Variants in CNIH3 observed in about 807,000 individuals in gnomAD.
The protein encoded by CNIH3 is cornichon family AMPA receptor auxiliary protein 3, also known as protein cornichon homolog 3.
A neutral mutation model predicts 24.1 loss-of-function variants in CNIH3; 14 were observed. The observed-to-expected ratio is 0.58, with a 90% CI of 0.38 to 0.91. The LOEUF (loss-of-function observed/expected upper bound fraction) is 0.91, where lower values mean the gene tolerates loss of function less well. CNIH3 is among the 40% of genes least tolerant of loss of function. The probability of loss-of-function intolerance (pLI) is 0.00; values close to 1 mark genes in which losing one functional copy is unlikely to be tolerated. For missense variants in CNIH3, 178 were observed against 196.8 expected (o/e 0.90, Z 0.57); for synonymous variants, 68 against 73.8 (o/e 0.92, Z 0.40).
In CNIH3 at chr1:224,616,958, T is replaced by C; in HGVS notation, c.-217T>C. On this transcript the variant is annotated 5_prime_UTR_variant, in exon 1 of 6. Coordinates refer to ENST00000272133, the MANE Select transcript of CNIH3 (RefSeq NM_152495.2). ...GACTCTCGACACACGTTTTCCTGTC[T>C]TCGCCGGAGGGCCGGGTCTGGGGTC... The C allele has an allele frequency of 7.2e-7, 1 of 1,392,648 alleles. No homozygotes were observed. The highest frequency in any genetic ancestry group is 9.3e-7 in the Non-Finnish European group (1 of 1,079,038). 86.3% of individuals were successfully genotyped at this position (1,392,648 alleles called of 1,614,324 possible).
chr1:224,534,866 T>C (rs1314584193), intron 2 of CNIH3, among the ~76,000 whole-genome samples: 1 of 152,210 alleles, frequency 6.6e-6, no homozygotes, highest in Non-Finnish European at 1.5e-5. Context: ...GGTCTGTTTT[T>C]CCTAAGTACC....
In CNIH3 at chr1:224,445,444, C is replaced by T. The variant is rs140669668; in HGVS notation, n.203+10582C>T. ...TACGAAAATTAGCCGGGCGTGGTGG[C>T]GCATGCCTGTAATCCCAGCTACTTG... On this transcript the variant is annotated intron_variant and non_coding_transcript_variant, in intron 1 of 5. Coordinates refer to the CNIH3 transcript ENST00000471578. 2.7e-3 allele frequency among the ~76,000 whole-genome samples: 404 copies of T among 151,828 alleles called. 1 individual carries two copies. The highest frequency in any genetic ancestry group is 4.6e-3 in the Non-Finnish European group (311 of 67,932).
intron 2 of CNIH3, among the ~76,000 whole-genome samples, chr1:224,536,322 A>T (rs1572432440): frequency 2.0e-5 from 2 of 100,844 alleles, no homozygotes; most frequent in South Asian, 3.4e-4. Flanking sequence ...ACAGAGTTGT[A>T]CTCTTGTCGC....
At chr1:224,547,280 G>A (rs1679738207) in intron 3 of CNIH3, among the ~76,000 whole-genome samples, 1 of 151,980 alleles carries the variant, frequency 6.6e-6, no homozygotes, top group African/African-American at 2.4e-5. Flanking sequence ...TATCCGAAAG[G>A]AGATATTACT....
At chr1:224,657,498 C>G (rs1405478138) in intron 1 of CNIH3, among the ~76,000 whole-genome samples, 1 of 151,416 alleles carries the variant, frequency 6.6e-6, no homozygotes, top group African/African-American at 2.4e-5. Flanking sequence ...TATCAATAGC[C>G]CAAAAGAAAA....
downstream of CNIH3, among the ~76,000 whole-genome samples, chr1:224,591,968 C>G (rs74146391): frequency 8.3e-3 from 1,262 of 152,316 alleles, 21 homozygotes; most frequent in African/African-American, 0.029. Flanking sequence ...TTAATAGCCA[C>G]TAATTATAAA....
intron 3 of CNIH3, among the ~76,000 whole-genome samples, chr1:224,725,368 T>G (rs1223134428): frequency 6.6e-6 from 1 of 152,210 alleles, no homozygotes; most frequent in Non-Finnish European, 1.5e-5. Context: ...AAAATAAGAC[T>G]CAGCATGGGT....
At chr1:224,674,337 A>C (rs1402172984) in intron 1 of CNIH3, among the ~76,000 whole-genome samples, 1 of 131,176 alleles carries the variant, frequency 7.6e-6, no homozygotes, top group East Asian at 2.3e-4. Flanking sequence ...ATTTTTAGCA[A>C]AATAATGATT....
chr1:224,507,578 G>C (rs1558116943), intron 1 of CNIH3, among the ~76,000 whole-genome samples: 1 of 152,086 alleles, frequency 6.6e-6, no homozygotes, highest in Non-Finnish European at 1.5e-5. Flanking sequence ...TGCAGCCTGA[G>C]GGCCCATAGT....
At chr1:224,444,976 A>T (rs1675091950) in intron 1 of CNIH3, among the ~76,000 whole-genome samples, 1 of 151,024 alleles carries the variant, frequency 6.6e-6, no homozygotes, top group Non-Finnish European at 1.5e-5. Context: ...CATCTTTATT[A>T]AAGTATAATA....
chr1:224,437,742 A>G (rs1178131482), intron 1 of CNIH3, among the ~76,000 whole-genome samples: 1 of 152,226 alleles, frequency 6.6e-6, no homozygotes, highest in African/African-American at 2.4e-5. Flanking sequence ...TTTTGTTTCA[A>G]TGACAGACAC....
intron 3 of CNIH3, among the ~76,000 whole-genome samples, chr1:224,709,827 C>T (rs1688037538): frequency 6.6e-6 from 1 of 152,110 alleles, no homozygotes; most frequent in Non-Finnish European, 1.5e-5. Flanking sequence ...ACAGTAGTAC[C>T]CCCTTATCCA....
intron 3 of CNIH3, among the ~76,000 whole-genome samples, chr1:224,725,273 G>A (rs975710404): frequency 3.3e-5 from 5 of 152,146 alleles, no homozygotes; most frequent in African/African-American, 1.2e-4. Context: ...TTCTTTTGCT[G>A]GAGGCTTCTT....
intron 1 of CNIH3, among the ~76,000 whole-genome samples, chr1:224,624,459 T>G (rs1683422819): frequency 6.6e-6 from 1 of 152,150 alleles, no homozygotes; most frequent in East Asian, 1.9e-4. Flanking sequence ...GCCGAGCTTG[T>G]CTTCATGCCC....
intron 4 of CNIH3, among the ~76,000 whole-genome samples, chr1:224,733,157 T>C (rs968129256): frequency 2.6e-5 from 4 of 152,174 alleles, no homozygotes; most frequent in Non-Finnish European, 5.9e-5. Context: ...TCCCAGGTTA[T>C]TTGCATACAT....
rs893292233 is a variant in CNIH3 at position 224,651,942 on chromosome 1, G to A, written c.82-29016G>A. 5.0e-4 allele frequency among the ~76,000 whole-genome samples: 76 copies of A among 152,284 alleles called. No homozygotes were observed. In the Middle Eastern group the frequency reaches 0.014, roughly 27 times the overall value. ...CAGTTCACATTTTCACCAGCCATGG[G>A]TGGGGGCTCCTTTTTCCCTGCTTCC... On this transcript the variant is annotated intron_variant, in intron 1 of 5. Transcript: ENST00000272133.
At chr1:224,711,382 G>A (rs2125200979) in intron 3 of CNIH3, among the ~76,000 whole-genome samples, 1 of 149,874 alleles carries the variant, frequency 6.7e-6, no homozygotes, top group Admixed American at 6.7e-5. Flanking sequence ...GTGTAGTCAT[G>A]TGATTGTAGC....
At chr1:224,705,039 A>G (rs535836758) in intron 3 of CNIH3, among the ~76,000 whole-genome samples, 1 of 152,168 alleles carries the variant, frequency 6.6e-6, no homozygotes, top group Admixed American at 6.5e-5. Flanking sequence ...AATTGCTTGA[A>G]CCTGGGAGAC....
intron 2 of CNIH3, among the ~76,000 whole-genome samples, chr1:224,545,688 A>G (rs899541549): frequency 6.6e-6 from 1 of 152,188 alleles, no homozygotes; most frequent in Admixed American, 6.5e-5. Context: ...GTGAATAAAG[A>G]GTCTGGGTCA....
Sources: gnomAD v4.1 joint callset for allele counts (sites outside exome capture counted in the v4.1 genomes callset) on GRCh38, gnomAD v4.1.1 for gene constraint, MANE v1.5 for transcripts, NCBI Gene and HGNC (gene_info 2026-07-23, HGNC 2026-07-21) for gene names.